Variants in SMU1 observed in about 807,000 individuals in gnomAD.
SMU1 encodes WD40 repeat-containing protein SMU1.
In SMU1, 2 loss-of-function variants were observed where a neutral mutation model predicts 62.0. The observed-to-expected ratio is 0.03, with a 90% CI of 0.01 to 0.10. SMU1 has a LOEUF of 0.10. SMU1 is among the 10% of genes least tolerant of loss of function. SMU1 has a pLI of 1.00. For missense variants in SMU1, 227 were observed against 622.1 expected (o/e 0.36, Z 6.76); for synonymous variants, 188 against 212.4 (o/e 0.89, Z 1.00).
intron 3 of SMU1, among the ~76,000 whole-genome samples, chr9:33,070,140 C>A (rs940174671): frequency 2.0e-5 from 3 of 151,954 alleles, no homozygotes; most frequent in Non-Finnish European, 4.4e-5. Context: ...ACAACAACAA[C>A]AACAAAACCC....
intron 1 of SMU1, 24 bp downstream of exon 1, chr9:33,076,559 G>T: frequency 6.2e-7 from 1 of 1,613,388 alleles, no homozygotes. Context: ...GGCAAGGCGC[G>T]AACATCCCCA....
chr9:33,073,009 G>A (rs1434701917), intron 2 of SMU1, among the ~76,000 whole-genome samples: 3 of 152,072 alleles, frequency 2.0e-5, no homozygotes, highest in African/African-American at 7.2e-5. Flanking sequence ...AGTGATAGGG[G>A]TATCTTTGTT....
intron 5 of SMU1, 22 bp downstream of exon 5, chr9:33,062,027 G>T (rs906037254): frequency 3.1e-6 from 5 of 1,610,456 alleles, no homozygotes; most frequent in Non-Finnish European, 4.2e-6. Flanking sequence ...TTACTGACTG[G>T]CTGAATGTCT....
chr9:33,067,192 T>C (rs1395644532), intron 4 of SMU1, among the ~76,000 whole-genome samples: 1 of 151,190 alleles, frequency 6.6e-6, no homozygotes, highest in African/African-American at 2.4e-5. Context: ...AACCAAAAGT[T>C]GTGATACAGC....
chr9:33,057,008 TG>T (rs1839311458), intron 7 of SMU1, 44 bp from the exon 8 acceptor site: 1 of 1,583,184 alleles, frequency 6.3e-7, no homozygotes, highest in Non-Finnish European at 8.5e-7. Context: ...CCTTGTTAAG[TG>T]TCCTACTATT....
intron 2 of SMU1, among the ~76,000 whole-genome samples, chr9:33,072,743 C>T (rs765242863): frequency 1.3e-5 from 2 of 149,884 alleles, no homozygotes; most frequent in Non-Finnish European, 3.0e-5. Flanking sequence ...GCAGGAGAAT[C>T]GCTTGAACCC....
chr9:33,051,731 T>G (rs1371584904), intron 10 of SMU1, among the ~76,000 whole-genome samples: 3 of 152,198 alleles, frequency 2.0e-5, no homozygotes, highest in African/African-American at 4.8e-5. Flanking sequence ...TATAAAGATG[T>G]AGCATGAGAG....
rs752582536 is a variant in SMU1, at chr9:33,045,634, C to T, written c.*1659G>A. The T allele has an allele frequency of 6.6e-6, 1 of 152,352 alleles. No individual in the cohort carries two copies. The highest frequency in any genetic ancestry group is 1.5e-5 in the Non-Finnish European group (1 of 68,136). The allele number at this position is 152,352 out of a possible 1,614,324, so 9.4% of individuals were successfully genotyped here. A position where few individuals can be genotyped will look rare whatever the true frequency, so the allele number is the denominator to read the frequency against. Reference sequence around the variant, plus strand: ...CCAGGGCAGGCGGATCACCTGAGGTCAGGAGTTCAAGACCAGCCTGGCCAA... The same window carrying T: ...CCAGGGCAGGCGGATCACCTGAGGTTAGGAGTTCAAGACCAGCCTGGCCAA... On this transcript the variant is annotated 3_prime_UTR_variant, in exon 12 of 12. Coordinates refer to ENST00000397149, the MANE Select transcript of SMU1 (RefSeq NM_018225.3).
At position 33,068,855 on chromosome 9, in the gene SMU1, G is replaced by A; in HGVS notation, c.470C>T (p.Pro157Leu). The A allele has an allele frequency of 6.2e-7, 1 of 1,614,040 alleles. No individual in the cohort carries two copies. The highest frequency in any genetic ancestry group is 8.5e-7 in the Non-Finnish European group (1 of 1,179,978). Residue 157 changes from proline (P) to leucine (L), a missense_variant, in exon 4 of 12, where the codon CCT (proline) becomes CTT (leucine). Physicochemically the swap from Pro to Leu is moderately conservative, Grantham distance 98 (BLOSUM62 -3). Around this residue, in one of 5 missense-constraint regions of SMU1, gnomAD observed 99 missense variants for 270.3 expected, o/e 0.37. Transcript: ENST00000397149. ...QALAGEVSVV[P>L]PSRLMALLGQ... ...CAGCAATGCCATGAGACGAGATGGA[G>A]GCACCACACTGACTTCGCCAGCTAA...
At chr9:33,062,810 T>G (rs1467083285) in intron 4 of SMU1, among the ~76,000 whole-genome samples, 1 of 152,174 alleles carries the variant, frequency 6.6e-6, no homozygotes. Context: ...CCTCCTAGGG[T>G]ATATTCCTGG....
At position 33,053,246 on chromosome 9, in the gene SMU1, G is replaced by T. The variant is rs1298803645; in HGVS notation, c.1167C>A (p.Ser389=). 27 of 1,612,606 alleles carry T rather than the reference G, an allele frequency of 1.7e-5. No homozygotes were observed. Among genetic ancestry groups the T allele is most frequent in the Non-Finnish European group, 2.3e-5 (27 of 1,179,954 alleles). Residue 389 remains serine, a synonymous_variant, in exon 10 of 12, where the codon TCC becomes TCA. Coordinates refer to ENST00000397149, the MANE Select transcript of SMU1 (RefSeq NM_018225.3). ...KTTECSNTFK[S]LGSTAGTDIT... ...TATCTGTCCCTGCGGTGCTGCCCAG[G>T]GATTTAAAGGTATTTGAACATTCTG...
intron 10 of SMU1, among the ~76,000 whole-genome samples, chr9:33,049,773 C>CACACACACACACACAG (rs1362623270): frequency 2.3e-4 from 35 of 151,830 alleles, no homozygotes; most frequent in African/African-American, 7.5e-4. Context: ...TCCACACACA[C>CACACACACACACACAG]ACACACACAC....
In SMU1 at chr9:33,069,359, G is replaced by A. The variant is rs533299357; in HGVS notation, c.391-425C>T. 6.6e-5 allele frequency among the ~76,000 whole-genome samples: 10 copies of A among 152,340 alleles called. No homozygotes were observed. The South Asian group carries it at 1.7e-3, about 25-fold the overall frequency. On this transcript the variant is annotated intron_variant, in intron 3 of 11. Transcript: ENST00000397149. ...CACAGAAGTGCTTCACCACCTCTAA[G>A]TTAAATCCTGTCCTGGTAATCTAAA...
At chr9:33,071,960 G>A (rs556877808) in intron 2 of SMU1, 68 bp from the exon 3 acceptor site, 178 of 1,423,598 alleles carry the variant, frequency 1.3e-4, no homozygotes, top group Middle Eastern at 1.9e-4. Context: ...AATATTTTTC[G>A]GTAAAATATC....
rs201199201 is a variant in SMU1, at chr9:33,045,807, T to A, written c.*1486A>T. 1 of 70,682 alleles carries A rather than the reference T, an allele frequency of 1.4e-5. No homozygotes were observed. Among genetic ancestry groups the A allele is most frequent in the Non-Finnish European group, 3.7e-5 (1 of 27,144 alleles). 4.4% of individuals were successfully genotyped at this position (70,682 alleles called of 1,614,324 possible). ...TTGCAGTTAGCTGAGATGGCACCACTGCACTCCAGCCTGGGCAACAGAGCA... is the reference window on the plus strand; with the variant it reads ...TTGCAGTTAGCTGAGATGGCACCACAGCACTCCAGCCTGGGCAACAGAGCA... On this transcript the variant is annotated 3_prime_UTR_variant, in exon 12 of 12. Coordinates refer to ENST00000397149, the MANE Select transcript of SMU1 (RefSeq NM_018225.3).
At position 33,050,092 on chromosome 9, in the gene SMU1, T is replaced by C. The variant is rs137997821; in HGVS notation, c.1291-1834A>G. On this transcript the variant is annotated intron_variant, in intron 10 of 11. Transcript: ENST00000397149. ...CAACCCCATTGAAAAATGAGTCAAATACCTGAAACAGAAACCTCACCAGAA... is the reference window on the plus strand; with the variant it reads ...CAACCCCATTGAAAAATGAGTCAAACACCTGAAACAGAAACCTCACCAGAA... Among the ~76,000 whole-genome samples the C allele has an allele frequency of 5.9e-5, 9 of 152,182 alleles. No homozygotes were observed. The East Asian group carries it at 1.5e-3, about 26-fold the overall frequency.
chr9:33,055,888 T>C (rs1839298359), intron 9 of SMU1, among the ~76,000 whole-genome samples: 1 of 152,186 alleles, frequency 6.6e-6, no homozygotes, highest in Non-Finnish European at 1.5e-5. Context: ...TTCCTACACA[T>C]GATAAAGTTT....
chr9:33,050,248 A>T (rs1460268264), intron 10 of SMU1, among the ~76,000 whole-genome samples: 1 of 152,234 alleles, frequency 6.6e-6, no homozygotes, highest in Non-Finnish European at 1.5e-5. Flanking sequence ...AATGCTGGTG[A>T]GGATGTGGAG....
At chr9:33,063,378 T>C (rs1587710449) in intron 4 of SMU1, among the ~76,000 whole-genome samples, 1 of 151,970 alleles carries the variant, frequency 6.6e-6, no homozygotes, top group Non-Finnish European at 1.5e-5. Flanking sequence ...AAAAGCCTAA[T>C]TCATAGAGGA....
Sources: allele counts gnomAD v4.1 joint callset (sites outside exome capture counted in the v4.1 genomes callset), GRCh38; gene constraint gnomAD v4.1.1; regional missense constraint gnomAD v4.1.1; transcripts MANE v1.5; gene names NCBI Gene and HGNC (gene_info 2026-07-23, HGNC 2026-07-21).